SUGCT: variants seen among roughly 807,000 people sequenced by gnomAD.
The protein encoded by SUGCT is succinyl-CoA:glutarate CoA-transferase.
A neutral mutation model predicts 55.0 loss-of-function variants in SUGCT; 41 were observed. The observed-to-expected ratio is 0.74, with a 90% CI of 0.58 to 0.97. The LOEUF is 0.97. Ranked by LOEUF, SUGCT falls within the 50% of genes least tolerant of loss-of-function variation. The pLI, the probability that SUGCT is intolerant of heterozygous loss-of-function variation, is 0.00. For missense variants in SUGCT, 568 were observed against 547.8 expected (o/e 1.04, Z -0.37); for synonymous variants, 187 against 200.4 (o/e 0.93, Z 0.56).
intron 12 of SUGCT, among the ~76,000 whole-genome samples, chr7:40,625,309 G>A (rs935750089): frequency 6.6e-6 from 1 of 151,936 alleles, no homozygotes; most frequent in South Asian, 2.1e-4. Flanking sequence ...AGAACTGTTC[G>A]TGAAGATTTT....
At chr7:40,526,806 T>C (rs1356002424) in intron 12 of SUGCT, among the ~76,000 whole-genome samples, 3 of 152,216 alleles carry the variant, frequency 2.0e-5, no homozygotes, top group African/African-American at 7.2e-5. Context: ...CAGAGAGTCC[T>C]AAGTATACCA....
At chr7:40,762,662 A>G (rs1432475218) in intron 13 of SUGCT, among the ~76,000 whole-genome samples, 1 of 152,186 alleles carries the variant, frequency 6.6e-6, no homozygotes, top group Non-Finnish European at 1.5e-5. Context: ...AAGGATGCAT[A>G]CATTTTCATA....
At chr7:40,666,832 G>C (rs1242075416) in intron 12 of SUGCT, among the ~76,000 whole-genome samples, 1 of 152,136 alleles carries the variant, frequency 6.6e-6, no homozygotes, top group East Asian at 1.9e-4. Context: ...ATGTTAAAGT[G>C]ATGGATCATG....
At position 40,415,106 on chromosome 7, in the gene SUGCT, AT is replaced by A. The variant is rs1562760301; in HGVS notation, c.817-34180del. On this transcript the variant is annotated intron_variant, in intron 9 of 13. Transcript: ENST00000335693. ...TATCTATCTATCTATCTATCTATCT[AT>A]CTATCTATATAAAATTAGCGGGGCG... Among the ~76,000 whole-genome samples the A allele has an allele frequency of 2.6e-4, 38 of 148,100 alleles. 1 individual carries two copies. The highest frequency in any genetic ancestry group is 1.5e-3 in the Admixed American group (22 of 14,594).
chr7:41,038,323 TCTTC>T, the SUGCT span, among the ~76,000 whole-genome samples: 1 of 152,344 alleles, frequency 6.6e-6, no homozygotes, highest in East Asian at 1.9e-4. Context: ...TTCCTCTGAT[TCTTC>T]CTTCTGCTAT....
At chr7:40,864,134 A>G (rs1794540139), downstream of SUGCT, among the ~76,000 whole-genome samples, 1 of 152,090 alleles carries the variant, frequency 6.6e-6, no homozygotes. Flanking sequence ...ACACCATGCC[A>G]TTTTCTGAGC....
intron 9 of SUGCT, among the ~76,000 whole-genome samples, chr7:40,362,048 T>C (rs4257934): frequency 0.71 from 107,114 of 151,616 alleles, 38,302 homozygotes; most frequent in East Asian, 0.99. Flanking sequence ...ACACGTAGGC[T>C]GCCAAGGAGT....
intron 12 of SUGCT, among the ~76,000 whole-genome samples, chr7:40,560,423 G>T (rs1304568699): frequency 1.1e-4 from 16 of 152,210 alleles, no homozygotes; most frequent in Admixed American, 1.0e-3. Flanking sequence ...GCACAGAGAT[G>T]TAAAACTAGT....
At chr7:40,610,493 T>C (rs1357774954) in intron 12 of SUGCT, among the ~76,000 whole-genome samples, 1 of 152,140 alleles carries the variant, frequency 6.6e-6, no homozygotes, top group Non-Finnish European at 1.5e-5. Flanking sequence ...GTGATAAAAT[T>C]TGTTGAGTAG....
intron 12 of SUGCT, among the ~76,000 whole-genome samples, chr7:40,684,979 T>C (rs1784402795): frequency 6.6e-6 from 1 of 152,166 alleles, no homozygotes; most frequent in African/African-American, 2.4e-5. Context: ...TACAGGCATG[T>C]GCCATTGTGC....
At chr7:40,796,810 T>C (rs1021076040) in intron 13 of SUGCT, among the ~76,000 whole-genome samples, 1 of 152,196 alleles carries the variant, frequency 6.6e-6, no homozygotes, top group Non-Finnish European at 1.5e-5. Context: ...GCTGTTAATC[T>C]AGACCAGTGA....
chr7:40,557,740 T>C (rs1197463900), intron 12 of SUGCT, among the ~76,000 whole-genome samples: 1 of 148,554 alleles, frequency 6.7e-6, no homozygotes, highest in Non-Finnish European at 1.5e-5. Flanking sequence ...GCCACTGCAC[T>C]CTAGTCTAGG....
chr7:40,789,626 G>A (rs1017591825), intron 13 of SUGCT, among the ~76,000 whole-genome samples: 3 of 152,036 alleles, frequency 2.0e-5, no homozygotes, highest in Admixed American at 6.6e-5. Context: ...CAGTTCTTTT[G>A]GATAAATACC....
chr7:40,161,279 C>T (rs1784132547), intron 1 of SUGCT, among the ~76,000 whole-genome samples: 2 of 152,158 alleles, frequency 1.3e-5, no homozygotes, highest in African/African-American at 4.8e-5. Flanking sequence ...ACATATGTAT[C>T]GCCCCCACGT....
At chr7:40,998,597 A>G in the SUGCT span, among the ~76,000 whole-genome samples, 48 of 152,340 alleles carry the variant, frequency 3.2e-4, no homozygotes, top group Middle Eastern at 3.4e-3. Flanking sequence ...TACATCAACT[A>G]GGGAGCTTTT....
intron 12 of SUGCT, among the ~76,000 whole-genome samples, chr7:40,694,400 G>T (rs1238995013): frequency 6.6e-6 from 1 of 152,184 alleles, no homozygotes; most frequent in Admixed American, 6.5e-5. Context: ...CTTGAACTTG[G>T]CACTTAATGA....
downstream of SUGCT, among the ~76,000 whole-genome samples, chr7:40,865,541 T>C (rs368499622): frequency 1.3e-5 from 2 of 152,248 alleles, no homozygotes; most frequent in South Asian, 4.1e-4. Flanking sequence ...GTAAATAAAA[T>C]AGAATGCAGA....
At chr7:40,838,693 A>G (rs1278457927) in intron 13 of SUGCT, among the ~76,000 whole-genome samples, 1 of 152,160 alleles carries the variant, frequency 6.6e-6, no homozygotes, top group African/African-American at 2.4e-5. Flanking sequence ...GCTATCTGCA[A>G]ATAAGGACAA....
At chr7:40,375,690 T>A (rs1784507581) in intron 9 of SUGCT, among the ~76,000 whole-genome samples, 1 of 146,192 alleles carries the variant, frequency 6.8e-6, no homozygotes, top group East Asian at 2.0e-4. Context: ...CCTGTACTAA[T>A]TTTCACCACA....
Sources: gnomAD v4.1 joint callset for allele counts (sites outside exome capture counted in the v4.1 genomes callset) on GRCh38, gnomAD v4.1.1 for gene constraint, MANE v1.5 for transcripts, NCBI Gene and HGNC (gene_info 2026-07-23, HGNC 2026-07-21) for gene names.